Variants in SCG5 observed in about 807,000 individuals in gnomAD.
SCG5 encodes the protein secretogranin V.
A neutral mutation model predicts 25.7 loss-of-function variants in SCG5; 18 were observed. The observed-to-expected ratio is 0.70, with a 90% confidence interval of 0.48 to 1.04. The LOEUF is 1.04. SCG5 is among the 50% of genes least tolerant of loss of function. The pLI, the probability that SCG5 is intolerant of heterozygous loss-of-function variation, is 0.00. For missense variants in SCG5, 206 were observed against 259.8 expected (o/e 0.79, Z 1.42); for synonymous variants, 101 against 91.7 (o/e 1.10, Z -0.58).
intron 2 of SCG5, among the ~76,000 whole-genome samples, chr15:32,672,667 G>A (rs2054451884): frequency 6.6e-6 from 1 of 152,090 alleles, no homozygotes; most frequent in Admixed American, 6.5e-5. Flanking sequence ...AGACGGAAAC[G>A]CACTGGAAAG....
At chr15:32,670,061 G>A (rs1358777759) in intron 2 of SCG5, among the ~76,000 whole-genome samples, 4 of 152,180 alleles carry the variant, frequency 2.6e-5, no homozygotes, top group Non-Finnish European at 5.9e-5. Flanking sequence ...CACTGTTTGC[G>A]TGCCTCTGAG....
intron 2 of SCG5, among the ~76,000 whole-genome samples, chr15:32,663,209 T>C (rs999571738): frequency 5.3e-5 from 8 of 151,400 alleles, no homozygotes; most frequent in Non-Finnish European, 1.2e-4. Flanking sequence ...GTATACAATG[T>C]AATGGTTTTT....
chr15:32,686,627 C>T lies in SCG5; in HGVS notation c.489+1958C>T, dbSNP rs145193140. Among the ~76,000 whole-genome samples the T allele has an allele frequency of 4.7e-3, 709 of 151,482 alleles. 12 individuals carry two copies. The highest frequency in any genetic ancestry group is 0.015 in the South Asian group (73 of 4,780). ...AGAGAGTGAGGGAAAGAGTAGATTG[C>T]GGAGGAGTACTGGGAAGAGATCCAC... On this transcript the variant is annotated intron_variant, in intron 4 of 5. Transcript: ENST00000300175.
chr15:32,661,325 G>A (rs1406646203), intron 2 of SCG5, among the ~76,000 whole-genome samples: 2 of 152,172 alleles, frequency 1.3e-5, no homozygotes, highest in African/African-American at 4.8e-5. Flanking sequence ...TGTGACAACA[G>A]AAAATGTCTC....
chr15:32,692,569 T>G (rs1235164012), intron 5 of SCG5, among the ~76,000 whole-genome samples: 5 of 152,212 alleles, frequency 3.3e-5, no homozygotes, highest in African/African-American at 9.6e-5. Flanking sequence ...CTTCTTTATC[T>G]GATCAGATGA....
At chr15:32,674,318 C>T (rs950858621) in intron 2 of SCG5, among the ~76,000 whole-genome samples, 1 of 152,000 alleles carries the variant, frequency 6.6e-6, no homozygotes, top group Non-Finnish European at 1.5e-5. Context: ...TCTGTTAATT[C>T]GGATTTTGTT....
At chr15:32,684,058 G>A (rs1271461970) in intron 3 of SCG5, among the ~76,000 whole-genome samples, 1 of 152,184 alleles carries the variant, frequency 6.6e-6, no homozygotes, top group African/African-American at 2.4e-5. Flanking sequence ...GGATGGTTCG[G>A]CACCCCAGAC....
intron 4 of SCG5, among the ~76,000 whole-genome samples, chr15:32,690,962 C>T (rs2054843190): frequency 6.7e-6 from 1 of 149,668 alleles, no homozygotes; most frequent in Non-Finnish European, 1.5e-5. Flanking sequence ...TCCCTTTCTG[C>T]CTTCAGGTTA....
chr15:32,688,072 G>A (rs1160800807), intron 4 of SCG5, among the ~76,000 whole-genome samples: 1 of 152,152 alleles, frequency 6.6e-6, no homozygotes, highest in Non-Finnish European at 1.5e-5. Flanking sequence ...TCAGCCCACA[G>A]AGCTGGGATT....
intron 4 of SCG5, among the ~76,000 whole-genome samples, chr15:32,689,507 T>C (rs1320486308): frequency 6.6e-6 from 1 of 152,200 alleles, no homozygotes; most frequent in African/African-American, 2.4e-5. Context: ...ATCTGGACAG[T>C]TGTCCAAAAT....
intron 2 of SCG5, among the ~76,000 whole-genome samples, chr15:32,656,700 C>T (rs756601793): frequency 1.4e-4 from 22 of 152,186 alleles, no homozygotes; most frequent in Non-Finnish European, 2.6e-4. Flanking sequence ...AGAGATGTGC[C>T]GCTTCTGGAA....
intron 5 of SCG5, among the ~76,000 whole-genome samples, chr15:32,694,070 A>G (rs538225667): frequency 6.6e-6 from 1 of 152,286 alleles, no homozygotes; most frequent in African/African-American, 2.4e-5. Flanking sequence ...AGATCATACC[A>G]CTGCACTCCA....
intron 2 of SCG5, among the ~76,000 whole-genome samples, chr15:32,662,139 AAC>A (rs1490500658): frequency 8.5e-5 from 13 of 152,316 alleles, no homozygotes; most frequent in African/African-American, 2.6e-4. Context: ...TCCCATCATA[AAC>A]ACAGCTTCAA....
chr15:32,676,357 A>C (rs1229808932), intron 2 of SCG5, among the ~76,000 whole-genome samples: 1 of 152,220 alleles, frequency 6.6e-6, no homozygotes, highest in Non-Finnish European at 1.5e-5. Flanking sequence ...CTTCCATAAG[A>C]GAAACTGTTT....
At chr15:32,656,822 A>G (rs781583525) in intron 2 of SCG5, among the ~76,000 whole-genome samples, 1 of 152,096 alleles carries the variant, frequency 6.6e-6, no homozygotes, top group Admixed American at 6.5e-5. Context: ...GCAGACCACA[A>G]TTTCGCACCG....
chr15:32,654,126 G>A (rs2054075885), intron 2 of SCG5, among the ~76,000 whole-genome samples: 1 of 152,186 alleles, frequency 6.6e-6, no homozygotes, highest in African/African-American at 2.4e-5. Context: ...ACTCAGAGAT[G>A]AGACTTATCT....
intron 2 of SCG5, among the ~76,000 whole-genome samples, chr15:32,645,528 C>T (rs1165000836): frequency 1.3e-5 from 2 of 152,158 alleles, no homozygotes; most frequent in Non-Finnish European, 2.9e-5. Flanking sequence ...GATGTACACA[C>T]AAGCTGCCGC....
intron 2 of SCG5, among the ~76,000 whole-genome samples, chr15:32,644,813 T>G (rs113931633): frequency 1.3e-5 from 2 of 152,334 alleles, no homozygotes; most frequent in Non-Finnish European, 2.9e-5. Context: ...CAAATGCTGT[T>G]TGTTCCCTAC....
At chr15:32,691,375 A>C (rs1482687157) in intron 4 of SCG5, among the ~76,000 whole-genome samples, 3 of 152,196 alleles carry the variant, frequency 2.0e-5, no homozygotes, top group Non-Finnish European at 2.9e-5. Flanking sequence ...AAATGAGATA[A>C]AATCATTTGT....
Sources: gnomAD v4.1 joint callset for allele counts (sites outside exome capture counted in the v4.1 genomes callset) on GRCh38, gnomAD v4.1.1 for gene constraint, MANE v1.5 for transcripts, NCBI Gene and HGNC (gene_info 2026-07-23, HGNC 2026-07-21) for gene names.